COL21A1: variants seen among roughly 807,000 people sequenced by gnomAD.
The protein encoded by COL21A1 is collagen alpha-1(XXI) chain.
A neutral mutation model predicts 137.9 loss-of-function variants in COL21A1; 149 were observed. The ratio of observed to expected loss-of-function variants is 1.08; its 90% CI spans 0.95 to 1.24. COL21A1 has a LOEUF of 1.24. Among genes scored for constraint, COL21A1 ranks in the 50% most tolerant of loss-of-function variants. The pLI is 0.00. For missense variants in COL21A1, 1,167 were observed against 1,158.4 expected, an observed-to-expected ratio of 1.01 and a Z score of -0.11; for synonymous variants, 456 against 391.5, an observed-to-expected ratio of 1.16 and a Z score of -1.95.
chr6:56,174,166 T>C (rs987225200), intron 3 of COL21A1, among the ~76,000 whole-genome samples: 1 of 151,940 alleles, frequency 6.6e-6, no homozygotes, highest in Non-Finnish European at 1.5e-5. Flanking sequence ...ATTTATGAGA[T>C]GCAGGAAAAC....
At chr6:56,272,673 G>T (rs191003926) in intron 1 of COL21A1, among the ~76,000 whole-genome samples, 37 of 152,258 alleles carry the variant, frequency 2.4e-4, no homozygotes, top group African/African-American at 6.0e-4. Flanking sequence ...CTGGTGGGAA[G>T]TGATTGGATC....
chr6:56,203,304 T>G (rs780751652), intron 1 of COL21A1, among the ~76,000 whole-genome samples: 1 of 152,032 alleles, frequency 6.6e-6, no homozygotes, highest in Non-Finnish European at 1.5e-5. Flanking sequence ...TGTTAGCATA[T>G]CCAAGGTTAA....
At chr6:56,379,257 G>C (rs1277114341) in intron 1 of COL21A1, among the ~76,000 whole-genome samples, 1 of 152,192 alleles carries the variant, frequency 6.6e-6, no homozygotes, top group East Asian at 1.9e-4. Context: ...ATCAATCCTG[G>C]AGAAACAGAG....
At chr6:56,268,859 C>T (rs1410488406) in intron 1 of COL21A1, among the ~76,000 whole-genome samples, 1 of 152,148 alleles carries the variant, frequency 6.6e-6, no homozygotes, top group Non-Finnish European at 1.5e-5. Context: ...AAAGTTGAAA[C>T]TCAATACAAG....
chr6:56,090,696 GT>G lies in COL21A1; in HGVS notation c.1812+10775del, dbSNP rs917852369. ...ACTATGACAATAAATTATTATAATA[GT>G]TTTATGTAGTAATATTGTTTTATAA... On this transcript the variant is annotated intron_variant, in intron 17 of 29. Transcript: ENST00000244728. Among the ~76,000 whole-genome samples the G allele has an allele frequency of 3.6e-3, 550 of 151,986 alleles. 7 individuals carry two copies. The highest frequency in any genetic ancestry group is 0.013 in the African/African-American group (523 of 41,474).
At chr6:56,391,136 TAGAATAAA>T (rs1170645515) in intron 1 of COL21A1, among the ~76,000 whole-genome samples, 5 of 152,074 alleles carry the variant, frequency 3.3e-5, no homozygotes, top group African/African-American at 1.2e-4. Context: ...CCAACCACCA[TAGAATAAA>T]ACTAGAAATC....
intron 13 of COL21A1, 114 bp from the exon 14 acceptor site, chr6:56,125,734 A>C: frequency 1.5e-6 from 1 of 660,512 alleles, no homozygotes; most frequent in Non-Finnish European, 2.4e-6. Flanking sequence ...AAAACAAAAT[A>C]GAAATAAAAT....
intron 17 of COL21A1, among the ~76,000 whole-genome samples, chr6:56,098,983 G>A (rs1275518441): frequency 1.3e-5 from 2 of 150,612 alleles, no homozygotes; most frequent in East Asian, 4.0e-4. Flanking sequence ...CCAAAGTGCT[G>A]GGATTACAGG....
At chr6:56,186,475 C>G (rs1778312092) in intron 1 of COL21A1, among the ~76,000 whole-genome samples, 1 of 151,970 alleles carries the variant, frequency 6.6e-6, no homozygotes, top group Non-Finnish European at 1.5e-5. Flanking sequence ...CATTTCTATT[C>G]AAAAATGTAC....
At chr6:56,336,688 T>C (rs965089866) in intron 1 of COL21A1, among the ~76,000 whole-genome samples, 1 of 152,228 alleles carries the variant, frequency 6.6e-6, no homozygotes, top group Non-Finnish European at 1.5e-5. Context: ...ACAGTTTTTC[T>C]TAAGGAGTTA....
chr6:56,128,429 G>T (rs946356887), intron 12 of COL21A1, among the ~76,000 whole-genome samples: 1 of 152,144 alleles, frequency 6.6e-6, no homozygotes, highest in Non-Finnish European at 1.5e-5. Flanking sequence ...GAAGGTGATA[G>T]GAGAATCTCT....
chr6:56,213,841 C>T (rs1673292572), intron 1 of COL21A1, among the ~76,000 whole-genome samples: 1 of 151,998 alleles, frequency 6.6e-6, no homozygotes, highest in South Asian at 2.1e-4. Context: ...AAGAATGTCA[C>T]AGCTCTTTCC....
At chr6:56,318,822 C>G (rs1764802339) in intron 1 of COL21A1, among the ~76,000 whole-genome samples, 1 of 152,112 alleles carries the variant, frequency 6.6e-6, no homozygotes, top group Non-Finnish European at 1.5e-5. Flanking sequence ...ATTGAGCTCA[C>G]TAGCTGCTAA....
chr6:56,311,348 A>G (rs1764609584), intron 1 of COL21A1, among the ~76,000 whole-genome samples: 1 of 152,216 alleles, frequency 6.6e-6, no homozygotes, highest in Admixed American at 6.5e-5. Context: ...CCCTTGGCAG[A>G]GAGTCACTCG....
At chr6:56,293,099 T>A (rs1029105303) in intron 1 of COL21A1, among the ~76,000 whole-genome samples, 1 of 152,196 alleles carries the variant, frequency 6.6e-6, no homozygotes, top group Non-Finnish European at 1.5e-5. Context: ...TAAGATTGAG[T>A]TTGCATTGAA....
At chr6:56,374,192 A>C (rs1280486689) in intron 1 of COL21A1, among the ~76,000 whole-genome samples, 1 of 152,184 alleles carries the variant, frequency 6.6e-6, no homozygotes, top group East Asian at 1.9e-4. Flanking sequence ...AGGATGATGG[A>C]GCTCATGGAA....
chr6:56,304,706 G>T (rs1457604863), intron 1 of COL21A1, among the ~76,000 whole-genome samples: 2 of 151,990 alleles, frequency 1.3e-5, no homozygotes, highest in African/African-American at 4.8e-5. Flanking sequence ...TTGATTTTTT[G>T]AAGGGTTTTT....
At chr6:56,240,838 T>C (rs992560099) in intron 1 of COL21A1, among the ~76,000 whole-genome samples, 1 of 152,162 alleles carries the variant, frequency 6.6e-6, no homozygotes, top group Non-Finnish European at 1.5e-5. Flanking sequence ...ATGTCAATAT[T>C]AACATTATCT....
chr6:56,380,438 T>G (rs1384910148), intron 1 of COL21A1, among the ~76,000 whole-genome samples: 1 of 152,230 alleles, frequency 6.6e-6, no homozygotes, highest in Non-Finnish European at 1.5e-5. Flanking sequence ...TCATATTGCT[T>G]TTTGTAAACC....
Sources: gnomAD v4.1 joint callset for allele counts (sites outside exome capture counted in the v4.1 genomes callset) on GRCh38, gnomAD v4.1.1 for gene constraint, MANE v1.5 for transcripts, NCBI Gene and HGNC (gene_info 2026-07-23, HGNC 2026-07-21) for gene names.